ADGRA3: variants seen among roughly 807,000 people sequenced by gnomAD.
The protein encoded by ADGRA3 is G-protein coupled receptor 125.
In ADGRA3, 56 loss-of-function variants were observed where a neutral mutation model predicts 119.8. That is an observed-to-expected ratio of 0.47 (90% CI 0.38 to 0.58). The LOEUF (loss-of-function observed/expected upper bound fraction) is 0.58. ADGRA3 is among the 20% of genes least tolerant of loss of function. ADGRA3 has a pLI of 0.00. For synonymous variants in ADGRA3, 607 were observed against 623.8 expected, an observed-to-expected ratio of 0.97 and a Z score of 0.40; for missense variants, 1,516 against 1,649.0, an observed-to-expected ratio of 0.92 and a Z score of 1.40.
intron 7 of ADGRA3, among the ~76,000 whole-genome samples, chr4:22,441,593 C>A (rs1349183593): frequency 1.3e-5 from 2 of 152,094 alleles, no homozygotes; most frequent in Non-Finnish European, 2.9e-5. Context: ...CTGTACCTAG[C>A]CAGCTTCTCC....
intron 14 of ADGRA3, 45 bp from the exon 15 acceptor site, chr4:22,402,844 C>A: frequency 6.4e-7 from 1 of 1,564,346 alleles, no homozygotes; most frequent in Non-Finnish European, 8.6e-7. Flanking sequence ...CTTCTCTCCA[C>A]ATTTAACTAC....
At chr4:22,395,271 C>A (rs1338434892) in intron 16 of ADGRA3, among the ~76,000 whole-genome samples, 1 of 152,150 alleles carries the variant, frequency 6.6e-6, no homozygotes, top group African/African-American at 2.4e-5. Context: ...ACTGTAAACT[C>A]TCACATACTA....
At chr4:22,436,668 G>C (rs752615727) in intron 8 of ADGRA3, 27 bp from the exon 9 acceptor site, 1 of 1,588,036 alleles carries the variant, frequency 6.3e-7, no homozygotes, top group South Asian at 1.1e-5. Context: ...AATAGTACAA[G>C]AAAATCTAAA....
At chr4:22,434,154 G>GT (rs1716300625) in intron 10 of ADGRA3, among the ~76,000 whole-genome samples, 2 of 146,406 alleles carry the variant, frequency 1.4e-5, no homozygotes, top group African/African-American at 5.0e-5. Context: ...ATCTATATTA[G>GT]ATACATAAAT....
At chr4:22,495,258 C>T (rs535068784) in intron 1 of ADGRA3, among the ~76,000 whole-genome samples, 28 of 152,042 alleles carry the variant, frequency 1.8e-4, no homozygotes, top group South Asian at 4.1e-4. Context: ...GACTTCTTCC[C>T]GCTACTCAGA....
chr4:22,421,171 A>C (rs1411307841), intron 11 of ADGRA3, 82 bp from the exon 12 acceptor site: 1 of 1,159,642 alleles, frequency 8.6e-7, no homozygotes, highest in African/African-American at 1.5e-5. Context: ...CAAACACAAA[A>C]CACTATGCAT....
chr4:22,428,760 C>A (rs1056677580), intron 10 of ADGRA3, among the ~76,000 whole-genome samples: 1 of 152,172 alleles, frequency 6.6e-6, no homozygotes. Flanking sequence ...ATTTGTCACT[C>A]TTAACTCACA....
intron 2 of ADGRA3, among the ~76,000 whole-genome samples, chr4:22,471,938 C>T (rs1039098830): frequency 1.3e-5 from 2 of 151,940 alleles, no homozygotes; most frequent in Admixed American, 1.3e-4. Flanking sequence ...AGGTCAAAGA[C>T]AAGGGAAATT....
intron 2 of ADGRA3, among the ~76,000 whole-genome samples, chr4:22,465,882 T>C (rs1717639872): frequency 6.6e-6 from 1 of 152,176 alleles, no homozygotes; most frequent in African/African-American, 2.4e-5. Flanking sequence ...TAACTTTCTT[T>C]CAACTTCTCC....
chr4:22,468,241 C>T (rs1230003367), intron 2 of ADGRA3, among the ~76,000 whole-genome samples: 2 of 152,202 alleles, frequency 1.3e-5, no homozygotes, highest in African/African-American at 4.8e-5. Context: ...AACCCCACAG[C>T]AGGCTGCTCT....
chr4:22,488,388 C>T (rs1428286401), intron 1 of ADGRA3, among the ~76,000 whole-genome samples: 2 of 152,132 alleles, frequency 1.3e-5, no homozygotes, highest in Admixed American at 1.3e-4. Context: ...CCTTGGCACC[C>T]CCTGAATCAA....
chr4:22,507,009 G>A (rs1033261532), intron 1 of ADGRA3, among the ~76,000 whole-genome samples: 4 of 152,030 alleles, frequency 2.6e-5, no homozygotes, highest in South Asian at 2.1e-4. Flanking sequence ...AGGTCAAGGC[G>A]GGCGGATCAC....
At chr4:22,406,585 T>C in intron 14 of ADGRA3, among the ~76,000 whole-genome samples, 1 of 152,182 alleles carries the variant, frequency 6.6e-6, no homozygotes, top group Non-Finnish European at 1.5e-5. Flanking sequence ...CATACACCTG[T>C]TGGTCATTTG....
chr4:22,504,376 T>C (rs1317485632), intron 1 of ADGRA3, among the ~76,000 whole-genome samples: 1 of 152,196 alleles, frequency 6.6e-6, no homozygotes, highest in East Asian at 1.9e-4. Flanking sequence ...TTTCGCAGCC[T>C]GACAACAAAG....
At chr4:22,478,873 G>C (rs1718146207) in intron 1 of ADGRA3, among the ~76,000 whole-genome samples, 1 of 152,148 alleles carries the variant, frequency 6.6e-6, no homozygotes, top group African/African-American at 2.4e-5. Context: ...CTAAGGAAAA[G>C]AGCAAATAGG....
intron 3 of ADGRA3, among the ~76,000 whole-genome samples, chr4:22,457,540 G>A (rs1328644677): frequency 6.6e-6 from 1 of 152,118 alleles, no homozygotes; most frequent in Non-Finnish European, 1.5e-5. Context: ...CTAGTGGGAA[G>A]AATATTATAA....
rs115264254 is a variant in ADGRA3, at chr4:22,502,826, A to G, written c.257+12702T>C. Among the ~76,000 whole-genome samples, 465 of 151,162 alleles carry G rather than the reference A, an allele frequency of 3.1e-3. 7 individuals carry two copies. Among genetic ancestry groups the G allele is most frequent in the African/African-American group, 0.011 (446 of 41,148 alleles). On this transcript the variant is annotated intron_variant, in intron 1 of 18. Transcript: ENST00000334304. ...TTGTTATGTTGCTTTGAAGAGTCTCAAGTTTATCCATGACAGATTCATCCT... is the reference window on the plus strand; with the variant it reads ...TTGTTATGTTGCTTTGAAGAGTCTCGAGTTTATCCATGACAGATTCATCCT...
At chr4:22,425,696 GA>G (rs1426097107) in intron 10 of ADGRA3, among the ~76,000 whole-genome samples, 2 of 152,164 alleles carry the variant, frequency 1.3e-5, no homozygotes, top group African/African-American at 4.8e-5. Flanking sequence ...GATCATCCCA[GA>G]AGATCTCCGC....
intron 7 of ADGRA3, among the ~76,000 whole-genome samples, chr4:22,441,290 A>G (rs1015390733): frequency 2.6e-5 from 4 of 152,186 alleles, no homozygotes; most frequent in African/African-American, 9.7e-5. Context: ...AGAAACCAAG[A>G]CTTTAGCTTC....
Sources: allele counts gnomAD v4.1 joint callset (sites outside exome capture counted in the v4.1 genomes callset), GRCh38; gene constraint gnomAD v4.1.1; transcripts MANE v1.5; gene names NCBI Gene and HGNC (gene_info 2026-07-23, HGNC 2026-07-21).